Variants in HCN1 observed in about 807,000 individuals in gnomAD.
The protein encoded by HCN1 is hyperpolarization activated cyclic nucleotide gated potassium channel 1.
A neutral mutation model predicts 78.9 loss-of-function variants in HCN1; 13 were observed. The ratio of observed to expected loss-of-function variants is 0.16; its 90% CI spans 0.11 to 0.26. The LOEUF is 0.26. Among genes scored for constraint, HCN1 ranks in the 10% least tolerant of loss-of-function variants. The pLI, the probability that HCN1 is intolerant of heterozygous loss-of-function variation, is 1.00. For missense variants in HCN1, 810 were observed against 1,154.3 expected, an observed-to-expected ratio of 0.70 and a Z score of 4.32; for synonymous variants, 552 against 455.5, an observed-to-expected ratio of 1.21 and a Z score of -2.70.
intron 2 of HCN1, among the ~76,000 whole-genome samples, chr5:45,522,383 A>G (rs1338742106): frequency 6.6e-6 from 1 of 152,038 alleles, no homozygotes; most frequent in African/African-American, 2.4e-5. Flanking sequence ...ACTGATTTGA[A>G]TTAAATTATG....
chr5:45,418,675 A>G (rs1740166358), intron 3 of HCN1, among the ~76,000 whole-genome samples: 1 of 151,992 alleles, frequency 6.6e-6, no homozygotes, highest in Non-Finnish European at 1.5e-5. Context: ...GAGTCCTAAG[A>G]TTAACACAGA....
chr5:45,372,946 T>G (rs1034988183), intron 4 of HCN1, among the ~76,000 whole-genome samples: 5 of 138,938 alleles, frequency 3.6e-5, no homozygotes, highest in Non-Finnish European at 7.8e-5. Flanking sequence ...TAAAAATATA[T>G]AAGTATTTTA....
At chr5:45,593,340 T>TCTCACA (rs1744422923) in intron 2 of HCN1, among the ~76,000 whole-genome samples, 5 of 125,520 alleles carry the variant, frequency 4.0e-5, no homozygotes, top group Non-Finnish European at 3.3e-5. Context: ...TCTCTCTCTC[T>TCTCACA]CACACACACA....
chr5:45,608,353 GTGTA>G (rs1028518328), intron 2 of HCN1, among the ~76,000 whole-genome samples: 23 of 134,586 alleles, frequency 1.7e-4, no homozygotes, highest in African/African-American at 6.3e-4. Context: ...GGTAGGATGG[GTGTA>G]TGTGTGTGTG....
chr5:45,423,807 C>A, intron 3 of HCN1, among the ~76,000 whole-genome samples: 1 of 152,126 alleles, frequency 6.6e-6, no homozygotes, highest in East Asian at 1.9e-4. Context: ...TCCAAAATAT[C>A]TTCAACTACT....
At chr5:45,431,720 C>T (rs964769016) in intron 3 of HCN1, among the ~76,000 whole-genome samples, 1 of 152,172 alleles carries the variant, frequency 6.6e-6, no homozygotes, top group African/African-American at 2.4e-5. Context: ...TTTTTGTCAA[C>T]TTTGTCAAAG....
At chr5:45,422,770 C>T (rs1740254277) in intron 3 of HCN1, among the ~76,000 whole-genome samples, 1 of 152,062 alleles carries the variant, frequency 6.6e-6, no homozygotes, top group South Asian at 2.1e-4. Context: ...TCACTTAACT[C>T]TCCCACCCCT....
intron 2 of HCN1, among the ~76,000 whole-genome samples, chr5:45,482,364 C>A (rs115769129): frequency 6.6e-6 from 1 of 152,140 alleles, no homozygotes; most frequent in African/African-American, 2.4e-5. Flanking sequence ...CTCAACCTCA[C>A]GTAAAGTGTA....
intron 4 of HCN1, among the ~76,000 whole-genome samples, chr5:45,392,145 C>T (rs1739578780): frequency 6.6e-6 from 1 of 152,098 alleles, no homozygotes; most frequent in Non-Finnish European, 1.5e-5. Flanking sequence ...CTGAAATAAA[C>T]TCTATTGCAA....
chr5:45,646,667 T>C (rs570067697), intron 1 of HCN1, among the ~76,000 whole-genome samples: 209 of 152,312 alleles, frequency 1.4e-3, no homozygotes, highest in African/African-American at 5.0e-3. Flanking sequence ...CTGGTTTATA[T>C]AGCTTAACTA....
intron 3 of HCN1, among the ~76,000 whole-genome samples, chr5:45,425,770 A>C (rs1340888312): frequency 2.0e-5 from 3 of 152,184 alleles, no homozygotes; most frequent in Non-Finnish European, 2.9e-5. Flanking sequence ...TTATTCATTG[A>C]TTAAGAGATT....
intron 1 of HCN1, among the ~76,000 whole-genome samples, chr5:45,682,987 G>C: frequency 6.6e-6 from 1 of 151,908 alleles, no homozygotes; most frequent in East Asian, 1.9e-4. Flanking sequence ...GTATCAAGCT[G>C]ACCTTTAGAA....
At chr5:45,313,432 A>G (rs1378332526) in intron 5 of HCN1, among the ~76,000 whole-genome samples, 1 of 152,190 alleles carries the variant, frequency 6.6e-6, no homozygotes, top group Non-Finnish European at 1.5e-5. Flanking sequence ...CAGAGCAGAA[A>G]AGCTAAAAAT....
chr5:45,385,363 A>T (rs961676091), intron 4 of HCN1, among the ~76,000 whole-genome samples: 15 of 152,194 alleles, frequency 9.9e-5, no homozygotes, highest in Non-Finnish European at 1.5e-4. Flanking sequence ...GATTTTTTTT[A>T]ATTAAAAAAA....
intron 2 of HCN1, among the ~76,000 whole-genome samples, chr5:45,472,487 G>A (rs1432932839): frequency 3.4e-5 from 5 of 148,308 alleles, no homozygotes; most frequent in African/African-American, 9.8e-5. Flanking sequence ...GTAAAAGAAC[G>A]GAGGAAAAGG....
At chr5:45,344,120 C>T (rs962375804) in intron 5 of HCN1, among the ~76,000 whole-genome samples, 39 of 152,210 alleles carry the variant, frequency 2.6e-4, no homozygotes, top group Non-Finnish European at 2.8e-4. Context: ...TCCTTCTTCA[C>T]AAGATGGCAG....
chr5:45,304,469 A>G (rs1745689082), intron 5 of HCN1, among the ~76,000 whole-genome samples: 1 of 152,068 alleles, frequency 6.6e-6, no homozygotes, highest in Admixed American at 6.6e-5. Context: ...CGAGGTCAGG[A>G]GTTCAAGACC....
intron 2 of HCN1, among the ~76,000 whole-genome samples, chr5:45,486,564 T>C (rs528100230): frequency 2.0e-5 from 3 of 152,254 alleles, no homozygotes; most frequent in East Asian, 1.9e-4. Flanking sequence ...TCATCCTTCA[T>C]GTGGCCATCA....
At chr5:45,356,326 T>C (rs1215883533) in intron 4 of HCN1, among the ~76,000 whole-genome samples, 1 of 151,892 alleles carries the variant, frequency 6.6e-6, no homozygotes, top group African/African-American at 2.4e-5. Context: ...AAAATAATTA[T>C]CACTTAAAAT....
Sources: allele counts gnomAD v4.1 joint callset (sites outside exome capture counted in the v4.1 genomes callset), GRCh38; gene constraint gnomAD v4.1.1; transcripts MANE v1.5; gene names NCBI Gene and HGNC (gene_info 2026-07-23, HGNC 2026-07-21).